The following HIGD1A variants were observed in gnomAD, a reference collection of about 807,000 sequenced individuals.
The protein encoded by HIGD1A is HIG1 hypoxia inducible domain family member 1A, also known as HIG1 domain family member 1A, mitochondrial.
A neutral mutation model predicts 11.3 loss-of-function variants in HIGD1A; 8 were observed. That is an observed-to-expected ratio of 0.71 (90% CI 0.42 to 1.28). The LOEUF (loss-of-function observed/expected upper bound fraction) is 1.28. Ranked by LOEUF, HIGD1A falls within the 50% of genes most tolerant of loss-of-function variation. The pLI is 0.01. For missense variants in HIGD1A, 107 were observed against 118.8 expected (o/e 0.90, Z 0.46); for synonymous variants, 32 against 38.4 (o/e 0.83, Z 0.62).
intron 2 of HIGD1A, among the ~76,000 whole-genome samples, chr3:42,786,750 A>G (rs1034073158): frequency 6.6e-6 from 1 of 152,186 alleles, no homozygotes. Context: ...TCAGGACATG[A>G]CCTTCCATGT....
In HIGD1A at chr3:42,784,670, C is replaced by T. The variant is rs1411251920; in HGVS notation, c.*601G>A. The T allele has an allele frequency of 6.6e-6, 1 of 152,524 alleles. No homozygotes were observed. Among genetic ancestry groups the T allele is most frequent in the Non-Finnish European group, 1.5e-5 (1 of 68,016 alleles). 9.4% of individuals were successfully genotyped at this position (152,524 alleles called of 1,614,324 possible). A position where few individuals can be genotyped will look rare whatever the true frequency, so the allele number is the denominator to read the frequency against. On this transcript the variant is annotated 3_prime_UTR_variant, in exon 4 of 4. Transcript: ENST00000321331. The stretch of plus-strand genomic sequence containing the variant: ...CAATTACAAAAAACTAAACTAGAAT[C>T]CTTAAATTATTCTCATGTTTACAGT...
intron 1 of HIGD1A, chr3:42,804,099 C>T: frequency 6.8e-7 from 1 of 1,476,766 alleles, no homozygotes; most frequent in South Asian, 1.2e-5. Flanking sequence ...GCCGTCGGGC[C>T]CAGTCAACAC....
intron 1 of HIGD1A, among the ~76,000 whole-genome samples, chr3:42,802,334 T>A (rs547685728): frequency 8.9e-4 from 136 of 152,262 alleles, no homozygotes; most frequent in Non-Finnish European, 1.7e-3. Context: ...GCGGTAAGCA[T>A]CAGGGTGTGG....
At chr3:42,793,760 C>T (rs980552586) in intron 2 of HIGD1A, among the ~76,000 whole-genome samples, 1 of 152,154 alleles carries the variant, frequency 6.6e-6, no homozygotes, top group African/African-American at 2.4e-5. Flanking sequence ...TGCTTGAGCC[C>T]AGGAGTTCAA....
chr3:42,804,101 A>T lies in HIGD1A; in HGVS notation c.-23+335T>A, dbSNP rs1333052188. The T allele has an allele frequency of 2.0e-6, 3 of 1,499,136 alleles. No individual in the cohort carries two copies. In the African/African-American group the frequency reaches 4.2e-5, roughly 21 times the overall value. 92.9% of individuals were successfully genotyped at this position (1,499,136 alleles called of 1,614,324 possible). On this transcript the variant is annotated intron_variant, in intron 1 of 3. Transcript: ENST00000321331. ...CTCCTCGCTCCCCGCCGTCGGGCCC[A>T]GTCAACACCCTCCTGGCCCCCGTCT...
chr3:42,799,681 C>G (rs1467625815), intron 1 of HIGD1A, among the ~76,000 whole-genome samples: 1 of 151,824 alleles, frequency 6.6e-6, no homozygotes, highest in Non-Finnish European at 1.5e-5. Flanking sequence ...GTCTCAAACT[C>G]CTGGCCCCAA....
intron 2 of HIGD1A, among the ~76,000 whole-genome samples, chr3:42,792,954 C>G (rs1328086717): frequency 1.3e-5 from 2 of 150,806 alleles, no homozygotes; most frequent in Non-Finnish European, 2.9e-5. Flanking sequence ...TGCACTCCAG[C>G]CTGGGCAACA....
At chr3:42,792,708 G>A (rs1419615319) in intron 2 of HIGD1A, among the ~76,000 whole-genome samples, 8 of 149,060 alleles carry the variant, frequency 5.4e-5, no homozygotes, top group Non-Finnish European at 1.0e-4. Context: ...GGCCAGGCAC[G>A]GTGGCTCACA....
At chr3:42,800,773 G>A (rs529555752) in intron 1 of HIGD1A, among the ~76,000 whole-genome samples, 6 of 151,782 alleles carry the variant, frequency 4.0e-5, no homozygotes, top group African/African-American at 1.5e-4. Flanking sequence ...AATCATCCTA[G>A]GAAGCCCGCC....
At chr3:42,795,624 C>T (rs779045543) in intron 1 of HIGD1A, among the ~76,000 whole-genome samples, 4 of 152,158 alleles carry the variant, frequency 2.6e-5, no homozygotes, top group Middle Eastern at 3.5e-3. Flanking sequence ...CCTTATATCC[C>T]CTAGGCTTCC....
intron 2 of HIGD1A, among the ~76,000 whole-genome samples, chr3:42,787,142 A>T (rs886740078): frequency 2.0e-5 from 3 of 152,254 alleles, no homozygotes; most frequent in Admixed American, 6.5e-5. Context: ...GGCTATGATT[A>T]TCACAACAAA....
intron 1 of HIGD1A, among the ~76,000 whole-genome samples, chr3:42,802,790 A>C (rs775132486): frequency 1.5e-4 from 23 of 152,242 alleles, no homozygotes; most frequent in Non-Finnish European, 3.1e-4. Context: ...ATTAGAATCC[A>C]GCTCTTCTGA....
At position 42,794,089 on chromosome 3, in the gene HIGD1A, A is replaced by G. The variant is rs910254389; in HGVS notation, c.97+68T>C. On this transcript the variant is annotated intron_variant, in intron 2 of 3. Transcript: ENST00000321331. ...AATGGAAAATACATTCTTTCAGGAT[A>G]TTGCTAAATGAACAAATTATCACGG... The G allele has an allele frequency of 2.1e-6, 3 of 1,447,748 alleles. No homozygotes were observed. The South Asian group carries it at 3.9e-5, about 19-fold the overall frequency. 89.7% of individuals were successfully genotyped at this position (1,447,748 alleles called of 1,614,324 possible).
intron 1 of HIGD1A, 125 bp downstream of exon 1, chr3:42,804,311 A>C: frequency 2.1e-6 from 2 of 938,260 alleles, no homozygotes; most frequent in Non-Finnish European, 3.2e-6. Flanking sequence ...CTCCTCCCTC[A>C]TTCGAGACAC....
At chr3:42,796,147 G>C (rs1700495969) in intron 1 of HIGD1A, among the ~76,000 whole-genome samples, 1 of 152,090 alleles carries the variant, frequency 6.6e-6, no homozygotes, top group Non-Finnish European at 1.5e-5. Flanking sequence ...CTCCGGAGGG[G>C]GTGGTGTGCT....
At chr3:42,796,827 T>C (rs1700505529) in intron 1 of HIGD1A, among the ~76,000 whole-genome samples, 1 of 150,672 alleles carries the variant, frequency 6.6e-6, no homozygotes, top group Admixed American at 6.6e-5. Context: ...CTGCAAAATA[T>C]CTCAAGCACT....
chr3:42,796,980 C>G (rs1332506400), intron 1 of HIGD1A, among the ~76,000 whole-genome samples: 1 of 1,860 alleles, frequency 5.4e-4, no homozygotes, highest in African/African-American at 5.6e-4. Flanking sequence ...CTCCGTCTCC[C>G]TCTCCCCACG....
chr3:42,787,913 TC>T (rs1186329435), intron 2 of HIGD1A, among the ~76,000 whole-genome samples: 1 of 151,948 alleles, frequency 6.6e-6, no homozygotes. Flanking sequence ...ACAAAACCAA[TC>T]ATTTATTAGG....
chr3:42,796,438 T>A, intron 1 of HIGD1A, among the ~76,000 whole-genome samples: 1 of 113,708 alleles, frequency 8.8e-6, no homozygotes, highest in East Asian at 7.0e-4. Flanking sequence ...AGTTGTTGTT[T>A]TTTTTTTTAA....
Sources: gnomAD v4.1 joint callset for allele counts (sites outside exome capture counted in the v4.1 genomes callset) on GRCh38, gnomAD v4.1.1 for gene constraint, MANE v1.5 for transcripts, NCBI Gene and HGNC (gene_info 2026-07-23, HGNC 2026-07-21) for gene names.